UGGT1: variants seen among roughly 807,000 people sequenced by gnomAD.
UGGT1 encodes UDP-glucose:glycoprotein glucosyltransferase 1.
UGGT1 carries 107 observed loss-of-function variants against 203.9 expected under a neutral mutation model. The observed-to-expected ratio is 0.52, with a 90% confidence interval of 0.45 to 0.62. The LOEUF (loss-of-function observed/expected upper bound fraction) is 0.62, where lower values mean the gene tolerates loss of function less well. Among genes scored for constraint, UGGT1 ranks in the 20% least tolerant of loss-of-function variants. UGGT1 has a pLI of 0.00. For missense variants in UGGT1, 1,673 were observed against 1,867.2 expected, an observed-to-expected ratio of 0.90 and a Z score of 1.92; for synonymous variants, 628 against 653.5, an observed-to-expected ratio of 0.96 and a Z score of 0.59.
At chr2:128,095,289 A>G (rs1380124857) in intron 1 of UGGT1, among the ~76,000 whole-genome samples, 1 of 151,966 alleles carries the variant, frequency 6.6e-6, no homozygotes, top group Non-Finnish European at 1.5e-5. Context: ...CAGTTTTTAC[A>G]AACGTTGATT....
Position 128,173,792 on chromosome 2 carries a change from A to G in UGGT1, c.3306A>G (p.Val1102=). ...DNIYLEEVDS[V]VAAEYELEYL... Reference sequence around the variant, plus strand: ...ATTTTGGCTTGCAGGTGGACAGTGTAGTGGCTGCTGAGTATGAGCTGGAAT... The same window carrying G: ...ATTTTGGCTTGCAGGTGGACAGTGTGGTGGCTGCTGAGTATGAGCTGGAAT... Residue 1102 remains valine (V), a synonymous_variant, in exon 30 of 41, where the codon GTA becomes GTG. Transcript: ENST00000259253. The G allele has an allele frequency of 6.2e-7, 1 of 1,614,152 alleles. No homozygotes were observed. Among genetic ancestry groups the G allele is most frequent in the Non-Finnish European group, 8.5e-7 (1 of 1,180,006 alleles).
chr2:128,161,756 C>T (rs1690537710), intron 25 of UGGT1, among the ~76,000 whole-genome samples: 1 of 151,986 alleles, frequency 6.6e-6, no homozygotes, highest in African/African-American at 2.4e-5. Context: ...TTTTAATTTT[C>T]AGTGTTATTA....
chr2:128,099,732 G>A (rs982575717), intron 2 of UGGT1, among the ~76,000 whole-genome samples: 1 of 152,106 alleles, frequency 6.6e-6, no homozygotes, highest in African/African-American at 2.4e-5. Context: ...GTATTTCATG[G>A]TGATAACTAA....
intron 1 of UGGT1, among the ~76,000 whole-genome samples, chr2:128,094,029 AG>A (rs1686991575): frequency 6.6e-6 from 1 of 152,188 alleles, no homozygotes; most frequent in South Asian, 2.1e-4. Context: ...GGGTTTCCTC[AG>A]GGGACTTTGT....
intron 29 of UGGT1, among the ~76,000 whole-genome samples, chr2:128,173,515 C>T (rs1260472531): frequency 6.6e-6 from 1 of 152,248 alleles, no homozygotes; most frequent in Non-Finnish European, 1.5e-5. Flanking sequence ...TCATTAACCA[C>T]CACTATAGCC....
chr2:128,188,892 T>C (rs1168913575), intron 40 of UGGT1, among the ~76,000 whole-genome samples: 1 of 152,244 alleles, frequency 6.6e-6, no homozygotes, highest in Non-Finnish European at 1.5e-5. Flanking sequence ...ATATTAAATA[T>C]CACAGCTGGA....
chr2:128,121,570 T>G (rs1162862761), intron 10 of UGGT1, among the ~76,000 whole-genome samples: 1 of 152,108 alleles, frequency 6.6e-6, no homozygotes. Context: ...CATGCCCAGC[T>G]AAGTTTTTGT....
rs138299785 is a variant in UGGT1, at chr2:128,091,995, T to C, written c.58+580T>C. 2.7e-3 allele frequency among the ~76,000 whole-genome samples: 409 copies of C among 152,342 alleles called. 3 individuals are homozygous for C. Among genetic ancestry groups the C allele is most frequent in the African/African-American group, 9.4e-3 (389 of 41,580 alleles). ...GTTCCTTGGCCAGAATCTGCAGTTG[T>C]TTTGCATTTCTTGCCAGATTTGAGA... On this transcript the variant is annotated intron_variant, in intron 1 of 40. Coordinates refer to ENST00000259253, the MANE Select transcript of UGGT1 (RefSeq NM_020120.4).
intron 27 of UGGT1, 64 bp downstream of exon 27, chr2:128,170,454 C>G: frequency 1.4e-6 from 2 of 1,428,108 alleles, no homozygotes; most frequent in East Asian, 2.3e-5. Context: ...CTCTGAAATT[C>G]ACTGAGAGCT....
At chr2:128,092,669 A>G (rs1686924108) in intron 1 of UGGT1, among the ~76,000 whole-genome samples, 2 of 141,472 alleles carry the variant, frequency 1.4e-5, no homozygotes, top group Non-Finnish European at 3.0e-5. Flanking sequence ...GCAATGGTGC[A>G]AGAGATAGTG....
Position 128,121,731 on chromosome 2 carries a change from C to T in UGGT1, c.1073+433C>T, listed in dbSNP as rs545276088. On this transcript the variant is annotated intron_variant, in intron 10 of 40. Coordinates refer to ENST00000259253, the MANE Select transcript of UGGT1 (RefSeq NM_020120.4). Reference sequence around the variant, plus strand: ...GAAAATTAAGATTCTTTATGACCACCACCACTACTATTGCAGATGGTGCTC... The same window carrying T: ...GAAAATTAAGATTCTTTATGACCACTACCACTACTATTGCAGATGGTGCTC... Among the ~76,000 whole-genome samples, 4 of 152,234 alleles carry T rather than the reference C, an allele frequency of 2.6e-5. No homozygotes were observed. In the East Asian group the frequency reaches 7.7e-4, roughly 29 times the overall value.
At chr2:128,116,683 C>T (rs1389787473) in intron 8 of UGGT1, among the ~76,000 whole-genome samples, 1 of 152,032 alleles carries the variant, frequency 6.6e-6, no homozygotes, top group South Asian at 2.1e-4. Context: ...CACCACCACA[C>T]CCGGCTAATT....
At chr2:128,132,647 A>G (rs887267464) in intron 13 of UGGT1, among the ~76,000 whole-genome samples, 6 of 152,128 alleles carry the variant, frequency 3.9e-5, no homozygotes, top group African/African-American at 1.4e-4. Context: ...GTAGGTTACA[A>G]ATGTCTTCAT....
At chr2:128,163,169 C>T (rs562899911) in intron 25 of UGGT1, among the ~76,000 whole-genome samples, 17 of 152,160 alleles carry the variant, frequency 1.1e-4, no homozygotes, top group South Asian at 6.2e-4. Flanking sequence ...GTTTTGTAAC[C>T]GTGTTGACAC....
In UGGT1 at chr2:128,195,589, G is replaced by C. The variant is rs973597647; in HGVS notation, c.*5847G>C. 2 of 152,150 alleles carry C rather than the reference G, an allele frequency of 1.3e-5. No homozygotes were observed. The highest frequency in any genetic ancestry group is 4.8e-5 in the African/African-American group (2 of 41,416). The allele number at this position is 152,150 out of a possible 1,614,324, so 9.4% of individuals were successfully genotyped here. A position where few individuals can be genotyped will look rare whatever the true frequency, so the allele number is the denominator to read the frequency against. On this transcript the variant is annotated 3_prime_UTR_variant, in exon 41 of 41. Transcript: ENST00000259253. ...TTTTAAATGTCTGCAGAATCTCTGC[G>C]TTCGAAGGGAATTGAGAATGAACTT...
intron 26 of UGGT1, among the ~76,000 whole-genome samples, chr2:128,169,048 TAAAAA>T (rs544381740): frequency 1.5e-4 from 8 of 52,564 alleles, no homozygotes; most frequent in African/African-American, 5.1e-4. Context: ...ACTCTGTCTT[TAAAAA>T]AAAAAAAAAA....
intron 19 of UGGT1, among the ~76,000 whole-genome samples, chr2:128,155,013 A>T (rs1432298161): frequency 6.6e-6 from 1 of 152,202 alleles, no homozygotes; most frequent in Non-Finnish European, 1.5e-5. Context: ...AGTGAAAATG[A>T]CCTTTTATTT....
chr2:128,174,927 C>T (rs1691298746), intron 31 of UGGT1, 69 bp downstream of exon 31: 1 of 1,349,134 alleles, frequency 7.4e-7, no homozygotes, highest in Admixed American at 2.1e-5. Context: ...TAATTGAATA[C>T]TACCCTGGCA....
intron 29 of UGGT1, 51 bp downstream of exon 29, chr2:128,172,813 G>T: frequency 6.5e-7 from 1 of 1,543,154 alleles, no homozygotes; most frequent in Middle Eastern, 1.9e-4. Context: ...TAATACAGCA[G>T]ATTGAATCAT....
Sources: allele counts gnomAD v4.1 joint callset (sites outside exome capture counted in the v4.1 genomes callset), GRCh38; gene constraint gnomAD v4.1.1; transcripts MANE v1.5; gene names NCBI Gene and HGNC (gene_info 2026-07-23, HGNC 2026-07-21).